The following PCED1B variants were observed in gnomAD, a reference collection of about 807,000 sequenced individuals.
The protein encoded by PCED1B is PC-esterase domain containing 1B.
For synonymous variants in PCED1B, 251 were observed against 246.1 expected (o/e 1.02, Z -0.19); for missense variants, 573 against 573.9 (o/e 1.00, Z 0.02).
chr12:47,089,463 TATATATA>T (rs1938158476), intron 1 of PCED1B, among the ~76,000 whole-genome samples: 1 of 71,440 alleles, frequency 1.4e-5, no homozygotes, highest in South Asian at 5.5e-4. Context: ...AAAAAATACA[TATATATA>T]TATATATATA....
intron 2 of PCED1B, among the ~76,000 whole-genome samples, chr12:47,162,760 T>C (rs1346932252): frequency 6.6e-6 from 1 of 152,236 alleles, no homozygotes; most frequent in African/African-American, 2.4e-5. Flanking sequence ...AAGCCATTAA[T>C]AAGGCATCTA....
At chr12:47,207,942 G>A (rs115384488) in intron 2 of PCED1B, among the ~76,000 whole-genome samples, 2,708 of 152,236 alleles carry the variant, frequency 0.018, 68 homozygotes, top group African/African-American at 0.061. Flanking sequence ...TGAAATTTAA[G>A]TCTGTGGTTA....
chr12:47,226,142 A>AGACTCTG (rs1943624710), intron 3 of PCED1B, among the ~76,000 whole-genome samples: 1 of 152,210 alleles, frequency 6.6e-6, no homozygotes. Flanking sequence ...TTACTTTGAA[A>AGACTCTG]ACAGAAAAAA....
chr12:47,236,135 G>C lies in PCED1B; in HGVS notation c.1072G>C (p.Asp358His), dbSNP rs1380165129. The C allele has an allele frequency of 1.2e-6, 2 of 1,614,084 alleles. No individual in the cohort carries two copies. The highest frequency in any genetic ancestry group is 1.7e-5 in the Admixed American group (1 of 60,020). The part of the protein sequence containing the change: ...FQSDQFYCHS[D>H]VPSSAHAGFF... ...GTCGGATCAATTCTATTGCCATTCAGATGTCCCCTCATCAGCCCATGCAGG... is the reference window on the plus strand; with the variant it reads ...GTCGGATCAATTCTATTGCCATTCACATGTCCCCTCATCAGCCCATGCAGG... Residue 358 changes from aspartate to histidine, a missense_variant, in exon 4 of 4, where the codon GAT becomes CAT. Physicochemically the swap from Asp to His is moderately conservative, Grantham distance 81. Transcript: ENST00000546455.
At chr12:47,178,062 A>G (rs1056509782) in intron 2 of PCED1B, among the ~76,000 whole-genome samples, 63 of 152,194 alleles carry the variant, frequency 4.1e-4, no homozygotes, top group African/African-American at 1.4e-3. Flanking sequence ...GGAAGAATAG[A>G]AAGGACTCTA....
intron 2 of PCED1B, among the ~76,000 whole-genome samples, chr12:47,159,550 A>G (rs1203467595): frequency 1.3e-5 from 2 of 151,356 alleles, no homozygotes; most frequent in African/African-American, 2.4e-5. Context: ...AGAAATGTCT[A>G]TTCATGGTTT....
intron 2 of PCED1B, among the ~76,000 whole-genome samples, chr12:47,178,402 G>T (rs1486080464): frequency 6.6e-6 from 1 of 152,156 alleles, no homozygotes; most frequent in Non-Finnish European, 1.5e-5. Flanking sequence ...ATTGTTGGGG[G>T]GCAGTGCTAA....
intron 2 of PCED1B, among the ~76,000 whole-genome samples, chr12:47,197,431 A>G (rs1328921210): frequency 6.6e-6 from 1 of 151,356 alleles, no homozygotes. Context: ...ACATGGTGAA[A>G]CCCCATCTCT....
chr12:47,141,583 G>A (rs544492322), intron 2 of PCED1B, among the ~76,000 whole-genome samples: 1 of 152,032 alleles, frequency 6.6e-6, no homozygotes, highest in Non-Finnish European at 1.5e-5. Context: ...AGCTCTCTTG[G>A]CCATGGTCTG....
intron 2 of PCED1B, among the ~76,000 whole-genome samples, chr12:47,108,426 CTGT>C (rs1326673828): frequency 2.0e-5 from 3 of 152,192 alleles, no homozygotes; most frequent in Non-Finnish European, 4.4e-5. Context: ...CTACACGTTC[CTGT>C]TGTTCAGATT....
chr12:47,170,481 C>A (rs879396695), intron 2 of PCED1B, among the ~76,000 whole-genome samples: 93 of 145,036 alleles, frequency 6.4e-4, no homozygotes, highest in Non-Finnish European at 1.0e-3. Context: ...GCAGAGGCGC[C>A]CCCCACCTCC....
chr12:47,087,128 C>T (rs1235616384), intron 1 of PCED1B, among the ~76,000 whole-genome samples: 4 of 152,182 alleles, frequency 2.6e-5, no homozygotes, highest in Non-Finnish European at 5.9e-5. Flanking sequence ...CTCTGGAACT[C>T]TGACCTTTCA....
intron 2 of PCED1B, among the ~76,000 whole-genome samples, chr12:47,161,511 C>A (rs959149613): frequency 3.3e-5 from 5 of 152,032 alleles, no homozygotes; most frequent in African/African-American, 1.2e-4. Flanking sequence ...AAGTGTGAAT[C>A]CTTTTATATT....
At chr12:47,145,317 C>T (rs915720453) in intron 2 of PCED1B, among the ~76,000 whole-genome samples, 1 of 152,070 alleles carries the variant, frequency 6.6e-6, no homozygotes, top group Admixed American at 6.5e-5. Context: ...GGAAAGAAGC[C>T]GTTTCCATTA....
chr12:47,103,244 C>T (rs1056331196), intron 1 of PCED1B, among the ~76,000 whole-genome samples: 2 of 152,168 alleles, frequency 1.3e-5, no homozygotes, highest in African/African-American at 2.4e-5. Flanking sequence ...TTATAGGTCA[C>T]GCAATATCTG....
At chr12:47,103,254 G>A (rs1251543069) in intron 1 of PCED1B, among the ~76,000 whole-genome samples, 1 of 152,234 alleles carries the variant, frequency 6.6e-6, no homozygotes, top group Non-Finnish European at 1.5e-5. Flanking sequence ...CGCAATATCT[G>A]TGTGGGGAGA....
At chr12:47,157,632 G>T (rs1461513923) in intron 2 of PCED1B, among the ~76,000 whole-genome samples, 1 of 151,934 alleles carries the variant, frequency 6.6e-6, no homozygotes, top group Non-Finnish European at 1.5e-5. Flanking sequence ...TTTTCATTGT[G>T]GAAATATATG....
At chr12:47,129,438 A>G (rs1940027133) in intron 2 of PCED1B, among the ~76,000 whole-genome samples, 1 of 152,156 alleles carries the variant, frequency 6.6e-6, no homozygotes. Context: ...GCAGTGAGCC[A>G]TAATCACACC....
At chr12:47,084,120 A>G (rs886538757) in intron 1 of PCED1B, among the ~76,000 whole-genome samples, 2 of 152,176 alleles carry the variant, frequency 1.3e-5, no homozygotes, top group Non-Finnish European at 2.9e-5. Flanking sequence ...TTAAAAGTGC[A>G]TTTATTACAC....
Sources: allele counts gnomAD v4.1 joint callset (sites outside exome capture counted in the v4.1 genomes callset), GRCh38; gene constraint gnomAD v4.1.1; transcripts MANE v1.5; gene names NCBI Gene and HGNC (gene_info 2026-07-23, HGNC 2026-07-21).